The following PAPPA variants were observed in gnomAD, a reference collection of about 807,000 sequenced individuals.
PAPPA encodes the protein pappalysin-1.
A neutral mutation model predicts 164.0 loss-of-function variants in PAPPA; 60 were observed. That is an observed-to-expected ratio of 0.37 (90% confidence interval 0.30 to 0.45). The LOEUF is 0.45. Ranked by LOEUF, PAPPA falls within the 20% of genes least tolerant of loss-of-function variation. The pLI is 1.00. For missense variants in PAPPA, 1,782 were observed against 2,087.3 expected, an observed-to-expected ratio of 0.85 and a Z score of 2.85; for synonymous variants, 875 against 814.1, an observed-to-expected ratio of 1.07 and a Z score of -1.27.
Position 116,323,664 on chromosome 9 carries a change from G to T in PAPPA, c.3148-7580G>T, listed in dbSNP as rs189653982. On this transcript the variant is annotated intron_variant, in intron 10 of 21. Coordinates refer to ENST00000328252, the MANE Select transcript of PAPPA (RefSeq NM_002581.5). ...AAGGTGTCTTGGAAATTAGCCTTCAGCTTCAGAGAAAGGGACCCATAAGTC... is the reference window on the plus strand; with the variant it reads ...AAGGTGTCTTGGAAATTAGCCTTCATCTTCAGAGAAAGGGACCCATAAGTC... Among the ~76,000 whole-genome samples the T allele has an allele frequency of 7.9e-5, 12 of 152,340 alleles. No homozygotes were observed. The East Asian group carries it at 2.3e-3, about 29-fold the overall frequency.
In PAPPA at chr9:116,367,829, C is replaced by A. The variant is rs2118650246; in HGVS notation, c.4605+75C>A. On this transcript the variant is annotated intron_variant, in intron 19 of 21. Coordinates refer to ENST00000328252, the MANE Select transcript of PAPPA (RefSeq NM_002581.5). Reference sequence around the variant, plus strand: ...GATATTGTTGAGCACTTGCTATGTCCCGGTTCTGAGTTCATTCTTTCACAC... The same window carrying A: ...GATATTGTTGAGCACTTGCTATGTCACGGTTCTGAGTTCATTCTTTCACAC... 2.4e-5 allele frequency: 24 copies of A among 987,952 alleles called. 1 individual carries two copies. In the South Asian group the frequency reaches 3.0e-4, roughly 12 times the overall value. 61.2% of individuals were successfully genotyped at this position (987,952 alleles called of 1,614,324 possible).
At chr9:116,299,003 G>A (rs192570793) in intron 9 of PAPPA, among the ~76,000 whole-genome samples, 13 of 152,176 alleles carry the variant, frequency 8.5e-5, no homozygotes, top group African/African-American at 2.4e-4. Flanking sequence ...TTTTGCGGCC[G>A]CACATTTGTA....
rs547446448 is a variant in PAPPA at position 116,241,884 on chromosome 9, A to G, written c.2732+6247A>G. ...CTTTCTTTCTTCCTTTTTTTTTCCT[A>G]AGCCTCATTTCTTTTTATAGCTCTT... On this transcript the variant is annotated intron_variant, in intron 7 of 21. Coordinates refer to ENST00000328252, the MANE Select transcript of PAPPA (RefSeq NM_002581.5). Among the ~76,000 whole-genome samples the G allele has an allele frequency of 9.3e-5, 14 of 151,180 alleles. No homozygotes were observed. In the South Asian group the frequency reaches 2.7e-3, roughly 29 times the overall value.
At chr9:116,227,368 C>T in intron 5 of PAPPA, 63 bp from the exon 6 acceptor site, 2 of 1,579,352 alleles carry the variant, frequency 1.3e-6, no homozygotes, top group South Asian at 2.3e-5. Context: ...GGCCTAGTCC[C>T]ATCAGTTGCT....
At chr9:116,336,078 C>T (rs1283879887) in intron 13 of PAPPA, among the ~76,000 whole-genome samples, 1 of 152,158 alleles carries the variant, frequency 6.6e-6, no homozygotes, top group African/African-American at 2.4e-5. Flanking sequence ...CATGTAGAAT[C>T]ACAGGGCCCA....
intron 7 of PAPPA, among the ~76,000 whole-genome samples, chr9:116,240,130 C>G (rs1349783550): frequency 2.6e-5 from 4 of 152,190 alleles, no homozygotes; most frequent in East Asian, 1.9e-4. Context: ...GAACAGTGAA[C>G]AGTAGCTCAC....
At chr9:116,395,525 TG>T (rs1846951053) in intron 21 of PAPPA, among the ~76,000 whole-genome samples, 1 of 152,176 alleles carries the variant, frequency 6.6e-6, no homozygotes, top group African/African-American at 2.4e-5. Context: ...GAAATCTACT[TG>T]CGTTAGTTCA....
intron 7 of PAPPA, among the ~76,000 whole-genome samples, chr9:116,264,082 A>G (rs1273450771): frequency 1.3e-5 from 2 of 152,288 alleles, no homozygotes; most frequent in Non-Finnish European, 2.9e-5. Context: ...TTAGAAAAAA[A>G]TGAACGCATA....
At chr9:116,190,365 T>A (rs1844026530) in intron 2 of PAPPA, among the ~76,000 whole-genome samples, 1 of 152,200 alleles carries the variant, frequency 6.6e-6, no homozygotes, top group South Asian at 2.1e-4. Context: ...GCAACAAATG[T>A]TTATGCAGCA....
chr9:116,396,302 G>A (rs562444724), intron 21 of PAPPA, among the ~76,000 whole-genome samples: 1 of 152,276 alleles, frequency 6.6e-6, no homozygotes, highest in South Asian at 2.1e-4. Context: ...CTGACCCATA[G>A]CAAGTGCCTC....
intron 9 of PAPPA, among the ~76,000 whole-genome samples, chr9:116,273,576 G>A (rs1343846063): frequency 6.6e-6 from 1 of 152,154 alleles, no homozygotes; most frequent in African/African-American, 2.4e-5. Context: ...AAATTATAAT[G>A]TGGTTCACCA....
chr9:116,166,157 G>A (rs1322856142), intron 1 of PAPPA, among the ~76,000 whole-genome samples: 1 of 152,170 alleles, frequency 6.6e-6, no homozygotes, highest in Non-Finnish European at 1.5e-5. Context: ...ACATTACACA[G>A]TGGTTAATTC....
chr9:116,383,200 C>T (rs989974250), intron 21 of PAPPA, among the ~76,000 whole-genome samples: 4 of 152,150 alleles, frequency 2.6e-5, no homozygotes, highest in Non-Finnish European at 4.4e-5. Context: ...CTCCGACTGC[C>T]GCTGAGACCA....
chr9:116,373,100 G>A (rs1334551401), intron 19 of PAPPA: 1 of 152,160 alleles, frequency 6.6e-6, no homozygotes, highest in Non-Finnish European at 1.5e-5. Context: ...AAAGGTCAGA[G>A]GTCGAATGGT....
At position 116,165,092 on chromosome 9, in the gene PAPPA, G is replaced by T. The variant is rs1843706088; in HGVS notation, c.415+10505G>T. 2.0e-5 allele frequency among the ~76,000 whole-genome samples: 3 copies of T among 152,250 alleles called. No homozygotes were observed. In the South Asian group the frequency reaches 6.2e-4, roughly 32 times the overall value. On this transcript the variant is annotated intron_variant, in intron 1 of 21. Transcript: ENST00000328252. ...CACTGGTAAATACTCTTGCATGACT[G>T]CCCAAAAGCTTTGTGTCACAAAGCA...
At chr9:116,381,657 G>A (rs1846733202) in intron 20 of PAPPA, among the ~76,000 whole-genome samples, 2 of 152,180 alleles carry the variant, frequency 1.3e-5, no homozygotes, top group South Asian at 4.1e-4. Context: ...CAAGAGAGAT[G>A]AAGTAAAAAA....
intron 21 of PAPPA, among the ~76,000 whole-genome samples, chr9:116,383,194 G>A (rs780584504): frequency 2.6e-5 from 4 of 152,116 alleles, no homozygotes; most frequent in South Asian, 4.1e-4. Flanking sequence ...ATTTTTCTCC[G>A]ACTGCCGCTG....
intron 2 of PAPPA, among the ~76,000 whole-genome samples, chr9:116,190,264 G>C (rs1031598105): frequency 7.9e-5 from 12 of 152,204 alleles, no homozygotes; most frequent in Non-Finnish European, 1.5e-5. Context: ...TGCCTGGTGA[G>C]AGTGGGCGTG....
At chr9:116,200,206 TG>T (rs1844156196) in intron 2 of PAPPA, among the ~76,000 whole-genome samples, 2 of 152,326 alleles carry the variant, frequency 1.3e-5, no homozygotes, top group South Asian at 4.1e-4. Context: ...CTGGAGCTTC[TG>T]CCATTTTCTC....
Sources: gnomAD v4.1 joint callset for allele counts (sites outside exome capture counted in the v4.1 genomes callset) on GRCh38, gnomAD v4.1.1 for gene constraint, MANE v1.5 for transcripts, NCBI Gene and HGNC (gene_info 2026-07-23, HGNC 2026-07-21) for gene names.